ZNF891: variants seen among roughly 807,000 people sequenced by gnomAD.
The protein encoded by ZNF891 is zinc finger protein 891.
For synonymous variants in ZNF891, 199 were observed against 209.0 expected, an observed-to-expected ratio of 0.95 and a Z score of 0.41; for missense variants, 589 against 632.7, an observed-to-expected ratio of 0.93 and a Z score of 0.74.
chr12:133,122,314 T>C (rs1347081439), intron 1 of ZNF891: 1 of 753,100 alleles, frequency 1.3e-6, no homozygotes, highest in Non-Finnish European at 1.6e-6. Context: ...AACCAACCAG[T>C]AAAAAATGCA....
intron 1 of ZNF891, among the ~76,000 whole-genome samples, chr12:133,124,651 A>G (rs182766739): frequency 6.6e-6 from 1 of 151,252 alleles, no homozygotes; most frequent in Non-Finnish European, 1.5e-5. Context: ...GATAGAGGCC[A>G]AAAAGGCAAT....
Position 133,106,899 on chromosome 12 carries a change from A to G in ZNF891, c.*13385T>C. On this transcript the variant is annotated 3_prime_UTR_variant, in exon 2 of 2. Coordinates refer to ENST00000537226, the MANE Select transcript of ZNF891 (RefSeq NM_001277291.2). ...TCAATATTGTTGAGAAGATTCTTCC[A>G]TCTGGTAATGTTGAGAAGACTTCAT... 1 of 321,764 alleles carries G rather than the reference A, an allele frequency of 3.1e-6. No homozygotes were observed. The highest frequency in any genetic ancestry group is 5.7e-6 in the Non-Finnish European group (1 of 175,444). The allele number at this position is 321,764 out of a possible 1,614,324, so 19.9% of individuals were successfully genotyped here.
At chr12:133,124,837 C>T (rs1955799579) in intron 1 of ZNF891, among the ~76,000 whole-genome samples, 2 of 149,758 alleles carry the variant, frequency 1.3e-5, no homozygotes, top group Admixed American at 6.6e-5. Context: ...TGTGTGTTAA[C>T]CACTCAAGAT....
rs1955651023 is a variant in ZNF891 at position 133,108,062 on chromosome 12, A to G, written c.*12222T>C. 6.6e-6 allele frequency: 1 copy of G among 152,144 alleles called. No individual in the cohort carries two copies. Among genetic ancestry groups the G allele is most frequent in the Non-Finnish European group, 1.5e-5 (1 of 68,018 alleles). 9.4% of individuals were successfully genotyped at this position (152,144 alleles called of 1,614,324 possible). On this transcript the variant is annotated 3_prime_UTR_variant, in exon 2 of 2. Coordinates refer to ENST00000537226, the MANE Select transcript of ZNF891 (RefSeq NM_001277291.2). ...CTCAAACCTGCCATTGGCATGCCAT[A>G]TTGGTACATACATTTAGAAGCTTCT... is the stretch of plus-strand genomic sequence containing the variant.
intron 1 of ZNF891, among the ~76,000 whole-genome samples, chr12:133,126,124 A>AT (rs1033760060): frequency 2.0e-5 from 3 of 152,070 alleles, no homozygotes; most frequent in Admixed American, 1.3e-4. Context: ...AACTCTATGG[A>AT]TTTTTTTTAA....
Position 133,105,637 on chromosome 12 carries a change from C to A in ZNF891, c.*14647G>T. On this transcript the variant is annotated 3_prime_UTR_variant, in exon 2 of 2. Transcript: ENST00000537226. ...CTGTGTATTCCAGTTTTAAAGGAGG[C>A]TGGAAATGCAAGGATCATACTGAGA... 6.2e-7 allele frequency: 1 copy of A among 1,614,022 alleles called. No homozygotes were observed. Among genetic ancestry groups the A allele is most frequent in the Non-Finnish European group, 8.5e-7 (1 of 1,180,008 alleles).
chr12:133,125,761 C>A (rs1593830670), intron 1 of ZNF891: 1 of 455,178 alleles, frequency 2.2e-6, no homozygotes, highest in Non-Finnish European at 4.3e-6. Flanking sequence ...CACACTTGTG[C>A]TCACTGTGGA....
At chr12:133,122,075 C>T in intron 1 of ZNF891, 51 bp from the exon 2 acceptor site, 1 of 1,399,396 alleles carries the variant, frequency 7.1e-7, no homozygotes, top group Non-Finnish European at 9.3e-7. Flanking sequence ...GGAAACAGGG[C>T]CCCACTTGGG....
At chr12:133,129,960 C>G (rs1014998102) in intron 1 of ZNF891, among the ~76,000 whole-genome samples, 1 of 152,206 alleles carries the variant, frequency 6.6e-6, no homozygotes, top group Non-Finnish European at 1.5e-5. Context: ...CCCCGGCCCC[C>G]CAGCGCTCCC....
chr12:133,127,423 T>C (rs1448526720), intron 1 of ZNF891, among the ~76,000 whole-genome samples: 1 of 152,192 alleles, frequency 6.6e-6, no homozygotes, highest in African/African-American at 2.4e-5. Flanking sequence ...GAACAAGGTA[T>C]GAAATAGGAC....
In ZNF891 at chr12:133,119,289, A is replaced by G. The variant is rs1032050894; in HGVS notation, c.*995T>C. The G allele has an allele frequency of 6.6e-6, 1 of 152,220 alleles. No individual in the cohort carries two copies. The highest frequency in any genetic ancestry group is 1.5e-5 in the Non-Finnish European group (1 of 68,050). The allele number at this position is 152,220 out of a possible 1,614,324, so 9.4% of individuals were successfully genotyped here. On this transcript the variant is annotated 3_prime_UTR_variant, in exon 2 of 2. Transcript: ENST00000537226. ...CCGGGCACAGTGGCTCACGCCTGTAATGCCAACACTTTGGGACGCCTAGGT... is the reference window on the plus strand; with the variant it reads ...CCGGGCACAGTGGCTCACGCCTGTAGTGCCAACACTTTGGGACGCCTAGGT...
rs563069903 is a variant in ZNF891 at position 133,106,737 on chromosome 12, A to T, written c.*13547T>A. On this transcript the variant is annotated 3_prime_UTR_variant, in exon 2 of 2. Transcript: ENST00000537226. ...TTACTTCAGAGAACTCTTGGAAAGA[A>T]GCCTTATGTGAAAGTGATGACTGTG... is the stretch of plus-strand genomic sequence containing the variant. 3 of 1,258,212 alleles carry T rather than the reference A, an allele frequency of 2.4e-6. No homozygotes were observed. The highest frequency in any genetic ancestry group is 4.8e-5 in the East Asian group (2 of 41,336). The allele number at this position is 1,258,212 out of a possible 1,614,324, so 77.9% of individuals were successfully genotyped here. A position where few individuals can be genotyped will look rare whatever the true frequency, so the allele number is the denominator to read the frequency against.
intron 1 of ZNF891, chr12:133,125,679 G>A (rs547495076): frequency 6.7e-6 from 2 of 300,398 alleles, no homozygotes; most frequent in South Asian, 3.2e-5. Context: ...AGCACCCTCA[G>A]GAGAAACAAG....
At position 133,115,416 on chromosome 12, in the gene ZNF891, A is replaced by AAAAAAAAAAAAAAG. The variant is rs1955710657; in HGVS notation, c.*4867_*4868insCTTTTTTTTTTTTT. The AAAAAAAAAAAAAAG allele has an allele frequency of 6.9e-6, 1 of 145,322 alleles. No individual in the cohort carries two copies. The highest frequency in any genetic ancestry group is 2.6e-5 in the African/African-American group (1 of 39,212). 9.0% of individuals were successfully genotyped at this position (145,322 alleles called of 1,614,324 possible). A position where few individuals can be genotyped will look rare whatever the true frequency, so the allele number is the denominator to read the frequency against. Reference sequence around the variant, plus strand: ...AAAAAAAAAAAAAAAAAAAAAAAAAAGATGTGGGATAAAAGGTATAACTCA... The same window carrying AAAAAAAAAAAAAAG: ...AAAAAAAAAAAAAAAAAAAAAAAAAAAAAAAAAAAAAAAGGATGTGGGATAAAAGGTATAACTCA... On this transcript the variant is annotated 3_prime_UTR_variant, in exon 2 of 2. Coordinates refer to ENST00000537226, the MANE Select transcript of ZNF891 (RefSeq NM_001277291.2).
chr12:133,126,649 A>G (rs1008887919), intron 1 of ZNF891, among the ~76,000 whole-genome samples: 3 of 110,406 alleles, frequency 2.7e-5, no homozygotes, highest in African/African-American at 4.5e-5. Flanking sequence ...CGTCTCAAAT[A>G]AAAATACAAA....
intron 1 of ZNF891, among the ~76,000 whole-genome samples, chr12:133,129,637 A>G (rs1400197328): frequency 6.6e-6 from 1 of 152,022 alleles, no homozygotes; most frequent in Non-Finnish European, 1.5e-5. Context: ...TAGAAGAGAG[A>G]CTGTGCTGTC....
At chr12:133,122,660 G>A (rs139928819) in intron 1 of ZNF891, among the ~76,000 whole-genome samples, 10 of 152,302 alleles carry the variant, frequency 6.6e-5, no homozygotes, top group Non-Finnish European at 8.8e-5. Context: ...ATACCTAGGC[G>A]ATGGGTTGAT....
In ZNF891 at chr12:133,106,892, T is replaced by G; in HGVS notation, c.*13392A>C. The G allele has an allele frequency of 3.0e-6, 1 of 335,226 alleles. No homozygotes were observed. Among genetic ancestry groups the G allele is most frequent in the Non-Finnish European group, 5.4e-6 (1 of 184,068 alleles). The allele number at this position is 335,226 out of a possible 1,614,324, so 20.8% of individuals were successfully genotyped here. On this transcript the variant is annotated 3_prime_UTR_variant, in exon 2 of 2. Coordinates refer to ENST00000537226, the MANE Select transcript of ZNF891 (RefSeq NM_001277291.2). ...GGTGAAATCAATATTGTTGAGAAGA[T>G]TCTTCCATCTGGTAATGTTGAGAAG...
Position 133,120,375 on chromosome 12 carries a change from G to T in ZNF891, c.1544C>A (p.Pro515His). ...RHVRIHTGEK[P>H]YECIQCGKAF... Reference sequence around the variant, plus strand: ...TTTTCCACATTGAATACATTCATAGGGTTTCTCTCCAGTGTGAATTCTCAC... The same window carrying T: ...TTTTCCACATTGAATACATTCATAGTGTTTCTCTCCAGTGTGAATTCTCAC... The change falls in exon 2 of 2, where the codon CCC becomes CAC. Residue 515 changes from proline (P) to histidine (H), a missense_variant. Coordinates refer to ENST00000537226, the MANE Select transcript of ZNF891 (RefSeq NM_001277291.2). 1 of 1,592,238 alleles carries T rather than the reference G, an allele frequency of 6.3e-7. No individual in the cohort carries two copies. The highest frequency in any genetic ancestry group is 8.5e-7 in the Non-Finnish European group (1 of 1,170,402).
Sources: gnomAD v4.1 joint callset for allele counts (sites outside exome capture counted in the v4.1 genomes callset) on GRCh38, gnomAD v4.1.1 for gene constraint, MANE v1.5 for transcripts, NCBI Gene and HGNC (gene_info 2026-07-23, HGNC 2026-07-21) for gene names.